The following SYK variants were observed in gnomAD, a reference collection of about 807,000 sequenced individuals.
SYK encodes spleen associated tyrosine kinase.
Under a neutral mutation model 77.8 loss-of-function variants are expected in SYK, and 16 were observed. The observed-to-expected ratio is 0.21, with a 90% CI of 0.14 to 0.31. The LOEUF (loss-of-function observed/expected upper bound fraction) is 0.31. Among genes scored for constraint, SYK ranks in the 10% least tolerant of loss-of-function variants. SYK has a pLI of 1.00. For missense variants in SYK, 529 were observed against 814.4 expected (o/e 0.65, Z 4.26); for synonymous variants, 312 against 308.7 (o/e 1.01, Z -0.11).
chr9:90,846,349 A>T (rs1459789570), intron 3 of SYK, among the ~76,000 whole-genome samples: 1 of 152,194 alleles, frequency 6.6e-6, no homozygotes, highest in East Asian at 1.9e-4. Context: ...AGAGATGCTT[A>T]CCTTGGAAAC....
At chr9:90,848,641 C>A (rs1315697775) in intron 3 of SYK, among the ~76,000 whole-genome samples, 1 of 152,184 alleles carries the variant, frequency 6.6e-6, no homozygotes, top group African/African-American at 2.4e-5. Flanking sequence ...TGTCTACTTT[C>A]CAATCATCAT....
Position 90,820,080 on chromosome 9 carries a change from T to C in SYK, c.-42+18187T>C, listed in dbSNP as rs1825451616. On this transcript the variant is annotated intron_variant, in intron 1 of 13. Coordinates refer to ENST00000375754, the MANE Select transcript of SYK (RefSeq NM_003177.7). The stretch of plus-strand genomic sequence containing the variant: ...TTTGACTCCAGGTCACACAGCCAGG[T>C]CCCATTGATGCAAGAGATGGGTTCC... Among the ~76,000 whole-genome samples, 5 of 152,316 alleles carry C rather than the reference T, an allele frequency of 3.3e-5. No homozygotes were observed. The South Asian group carries it at 8.3e-4, about 25-fold the overall frequency.
chr9:90,819,852 C>T (rs1040557244), intron 1 of SYK, among the ~76,000 whole-genome samples: 1 of 152,190 alleles, frequency 6.6e-6, no homozygotes, highest in African/African-American at 2.4e-5. Flanking sequence ...CAAGTTTCAT[C>T]TGAGACAAGG....
chr9:90,854,131 G>A lies in SYK; in HGVS notation c.579-8075G>A, dbSNP rs532944948. On this transcript the variant is annotated intron_variant, in intron 3 of 13. Coordinates refer to ENST00000375754, the MANE Select transcript of SYK (RefSeq NM_003177.7). ...GGTGCCCTGAGATTCTATGGATGGT[G>A]GCAGAGTTTTCCTTGATGGTGGCAG... Among the ~76,000 whole-genome samples the A allele has an allele frequency of 3.9e-5, 6 of 152,290 alleles. No individual in the cohort carries two copies. The South Asian group carries it at 1.2e-3, about 32-fold the overall frequency.
In SYK at chr9:90,864,619, GGTTT is replaced by G; in HGVS notation, c.752_755del (p.Leu251Ter). The G allele has an allele frequency of 6.2e-7, 1 of 1,614,114 alleles. No homozygotes were observed. Among genetic ancestry groups the G allele is most frequent in the Non-Finnish European group, 8.5e-7 (1 of 1,180,020 alleles). On this transcript the variant is annotated frameshift_variant, in exon 5 of 14. Transcript: ENST00000375754. LOFTEE classifies it high-confidence loss of function. ...CGAGCATTATTCTTATAAAGCAGAT[GGTTT>G]GTTAAGAGTTCTTACTGTCCCATGT...
rs181536839 is a variant in SYK at position 90,869,053 on chromosome 9, G to A, written c.915+1854G>A. ...CACATACATATATGCAGAATGTGTT[G>A]ATATCGTATACAGTATCCTAGAAAA... On this transcript the variant is annotated intron_variant, in intron 7 of 13. Transcript: ENST00000375754. Among the ~76,000 whole-genome samples, 6 of 152,294 alleles carry A rather than the reference G, an allele frequency of 3.9e-5. No individual in the cohort carries two copies. In the East Asian group the frequency reaches 1.2e-3, roughly 29 times the overall value.
At chr9:90,812,342 G>A (rs944843468) in intron 1 of SYK, among the ~76,000 whole-genome samples, 1 of 152,114 alleles carries the variant, frequency 6.6e-6, no homozygotes, top group African/African-American at 2.4e-5. Flanking sequence ...ATGACTGCTG[G>A]CACCATTCTG....
chr9:90,829,140 A>C (rs1484308041), intron 1 of SYK, among the ~76,000 whole-genome samples: 11 of 152,110 alleles, frequency 7.2e-5, no homozygotes, highest in Non-Finnish European at 1.3e-4. Flanking sequence ...AATACAAAAA[A>C]TTAGCTGGGT....
chr9:90,874,602 A>T, intron 8 of SYK, 70 bp from the exon 9 acceptor site: 1 of 1,504,548 alleles, frequency 6.6e-7, no homozygotes, highest in Non-Finnish European at 9.0e-7. Flanking sequence ...CATGAAGATC[A>T]TGTTCTTGGA....
At chr9:90,839,616 C>T (rs1826219060) in intron 1 of SYK, among the ~76,000 whole-genome samples, 3 of 152,180 alleles carry the variant, frequency 2.0e-5, no homozygotes, top group Non-Finnish European at 2.9e-5. Flanking sequence ...AAAATAGTAG[C>T]TATGTTAAGA....
At chr9:90,882,703 G>A (rs557475135) in intron 11 of SYK, among the ~76,000 whole-genome samples, 9 of 152,312 alleles carry the variant, frequency 5.9e-5, no homozygotes, top group Admixed American at 5.2e-4. Flanking sequence ...CCGTAGAGAC[G>A]GACCAAAATA....
At chr9:90,840,053 A>AGTG (rs138874735) in intron 1 of SYK, among the ~76,000 whole-genome samples, 2,193 of 152,250 alleles carry the variant, frequency 0.014, 20 homozygotes, top group Middle Eastern at 0.031. Context: ...GCAGCAGTGG[A>AGTG]AAGGACAGGG....
intron 1 of SYK, among the ~76,000 whole-genome samples, chr9:90,836,956 ATATAT>A (rs1174100997): frequency 2.6e-5 from 4 of 152,146 alleles, no homozygotes; most frequent in African/African-American, 9.7e-5. Context: ...TATTGTAAAC[ATATAT>A]TCTATTCCTT....
At chr9:90,803,410 T>G (rs1824687644) in intron 1 of SYK, among the ~76,000 whole-genome samples, 1 of 152,156 alleles carries the variant, frequency 6.6e-6, no homozygotes. Flanking sequence ...GCCTCTGTAT[T>G]TGAAGTGAAA....
At position 90,895,521 on chromosome 9, in the gene SYK, A is replaced by G. The variant is rs778589973; in HGVS notation, c.1836-7A>G. ...TGACAAACAAGAATGCATCTCTTCC[A>G]TTCCAGTGTGGAAAACAGGCCCGGA... On this transcript the variant is annotated splice_polypyrimidine_tract_variant and splice_region_variant and intron_variant, in intron 13 of 13. Transcript: ENST00000375754. The surrounding 1 kb of genome is among the most constrained non-coding windows in gnomAD (Gnocchi z 4.4). 2.5e-6 allele frequency: 4 copies of G among 1,613,932 alleles called. No individual in the cohort carries two copies. Among genetic ancestry groups the G allele is most frequent in the South Asian group, 2.2e-5 (2 of 91,090 alleles).
chr9:90,827,075 A>G (rs909313563), intron 1 of SYK, among the ~76,000 whole-genome samples: 1 of 152,014 alleles, frequency 6.6e-6, no homozygotes, highest in Non-Finnish European at 1.5e-5. Flanking sequence ...GATACATGTT[A>G]TGATGTAGGA....
intron 13 of SYK, among the ~76,000 whole-genome samples, chr9:90,891,322 A>G (rs1828784447): frequency 6.6e-6 from 1 of 150,904 alleles, no homozygotes; most frequent in Non-Finnish European, 1.5e-5. Context: ...ATTTTTTTGT[A>G]TTTTTTAGTG....
chr9:90,889,684 G>A (rs565569392), intron 13 of SYK, among the ~76,000 whole-genome samples: 5 of 152,362 alleles, frequency 3.3e-5, no homozygotes, highest in East Asian at 1.9e-4. Context: ...TGCTGCTGCC[G>A]TGGCTCAGGA....
At chr9:90,855,716 G>GAC (rs1827013134) in intron 3 of SYK, among the ~76,000 whole-genome samples, 3 of 151,532 alleles carry the variant, frequency 2.0e-5, no homozygotes, top group African/African-American at 4.9e-5. Flanking sequence ...GAGAGAGAGA[G>GAC]AGACAGACAG....
Sources: gnomAD v4.1 joint callset for allele counts (sites outside exome capture counted in the v4.1 genomes callset) on GRCh38, gnomAD v4.1.1 for gene constraint, Gnocchi (gnomAD v3.1) non-coding constraint, MANE v1.5 for transcripts, NCBI Gene and HGNC (gene_info 2026-07-23, HGNC 2026-07-21) for gene names.